Variants in THADA observed in about 807,000 individuals in gnomAD.
THADA encodes THADA armadillo repeat containing.
A neutral mutation model predicts 219.8 loss-of-function variants in THADA; 213 were observed. The observed-to-expected ratio is 0.97, with a 90% CI of 0.87 to 1.09. THADA has a LOEUF of 1.09. Ranked by LOEUF, THADA falls within the 50% of genes least tolerant of loss-of-function variation. The pLI is 0.00. For synonymous variants in THADA, 1,018 were observed against 828.9 expected, an observed-to-expected ratio of 1.23 and a Z score of -3.92; for missense variants, 2,956 against 2,311.3, an observed-to-expected ratio of 1.28 and a Z score of -5.72.
chr2:43,231,897 G>A (rs1479004792), intron 37 of THADA, among the ~76,000 whole-genome samples: 1 of 152,186 alleles, frequency 6.6e-6, no homozygotes, highest in African/African-American at 2.4e-5. Flanking sequence ...TGCCAAGAAG[G>A]CCAGCTGAGT....
Position 43,232,850 on chromosome 2 carries a change from C to A in THADA, c.5329G>T (p.Ala1777Ser). ...FAFCQVDASI[A>S]LALALAVLCD... The stretch of plus-strand genomic sequence containing the variant: ...AGGACGGCCAGGGCCAGGGCCAGAG[C>A]GATGGAGGCATCCACCTGGCAGAAG... The change falls in exon 37 of 38, where the codon GCT becomes TCT. Residue 1777 changes from alanine (A) to serine (S), a missense_variant. By Grantham distance (99) the Ala-to-Ser change is moderately conservative. Coordinates refer to ENST00000405975, the MANE Select transcript of THADA (RefSeq NM_022065.5). The A allele has an allele frequency of 6.2e-7, 1 of 1,611,574 alleles. No homozygotes were observed.
intron 20 of THADA, among the ~76,000 whole-genome samples, chr2:43,543,539 G>T (rs1695600003): frequency 6.6e-6 from 1 of 151,212 alleles, no homozygotes; most frequent in East Asian, 1.9e-4. Flanking sequence ...AGCACCTGTT[G>T]TTTCCTGACT....
At chr2:43,579,570 T>C (rs561365392) in intron 8 of THADA, among the ~76,000 whole-genome samples, 16 of 152,338 alleles carry the variant, frequency 1.1e-4, no homozygotes, top group Non-Finnish European at 1.8e-4. Flanking sequence ...GTGACTTTGA[T>C]TGGGGAAGCC....
intron 22 of THADA, among the ~76,000 whole-genome samples, chr2:43,522,590 G>A (rs1305132624): frequency 1.3e-5 from 2 of 152,142 alleles, no homozygotes; most frequent in South Asian, 2.1e-4. Flanking sequence ...TGGCATAGAG[G>A]TTACTCACTG....
chr2:43,315,271 T>C (rs1204220195), intron 31 of THADA, among the ~76,000 whole-genome samples: 1 of 152,102 alleles, frequency 6.6e-6, no homozygotes, highest in African/African-American at 2.4e-5. Context: ...ATTAGTAAAA[T>C]AGAAAATAAG....
Position 43,572,905 on chromosome 2 carries a change from G to C in THADA, c.1817C>G (p.Ala606Gly), listed in dbSNP as rs1231976867. The change falls in exon 12 of 38, where the codon GCT becomes GGT. Residue 606 changes from alanine to glycine, a missense_variant. Transcript: ENST00000405975. ...AGTTGCAGACTGAAGATGTCCATGA[G>C]CTCTAGCTATTCGCAGACATGCCAT... ...ALMACLRIAR[A>G]HGHLQSATDT... 4 of 1,613,788 alleles carry C rather than the reference G, an allele frequency of 2.5e-6. No individual in the cohort carries two copies. In the Admixed American group the frequency reaches 5.0e-5, roughly 20 times the overall value.
intron 28 of THADA, among the ~76,000 whole-genome samples, chr2:43,423,934 C>T (rs1379319574): frequency 6.6e-6 from 1 of 152,174 alleles, no homozygotes; most frequent in South Asian, 2.1e-4. Flanking sequence ...CTTTTTAAAG[C>T]ATGAATTATT....
At chr2:43,564,454 C>G (rs1698437278) in intron 15 of THADA, 1 of 152,254 alleles carries the variant, frequency 6.6e-6, no homozygotes, top group African/African-American at 2.4e-5. Context: ...GTCGCACTGC[C>G]TCCTCTTTCT....
intron 22 of THADA, among the ~76,000 whole-genome samples, chr2:43,514,515 A>G (rs971476336): frequency 2.0e-4 from 27 of 136,878 alleles, no homozygotes; most frequent in Admixed American, 9.0e-4. Flanking sequence ...TTTTATATAT[A>G]ATATATAATA....
intron 22 of THADA, among the ~76,000 whole-genome samples, chr2:43,521,342 G>A (rs1049714932): frequency 1.3e-5 from 2 of 152,152 alleles, no homozygotes; most frequent in African/African-American, 4.8e-5. Flanking sequence ...ATCACCTGAG[G>A]TCAGGAGTTC....
intron 16 of THADA, among the ~76,000 whole-genome samples, chr2:43,557,865 G>A (rs72790941): frequency 0.01 from 1,523 of 152,292 alleles, 16 homozygotes; most frequent in Non-Finnish European, 0.016. Context: ...CACAACAGTG[G>A]ATATCAAATG....
chr2:43,445,613 A>G (rs1378012686), intron 26 of THADA, among the ~76,000 whole-genome samples: 2 of 152,360 alleles, frequency 1.3e-5, no homozygotes, highest in African/African-American at 2.4e-5. Context: ...CAGGGCTCCA[A>G]CCAGTATCCT....
At chr2:43,426,273 A>G (rs368854143) in intron 28 of THADA, among the ~76,000 whole-genome samples, 3 of 152,226 alleles carry the variant, frequency 2.0e-5, no homozygotes, top group Non-Finnish European at 4.4e-5. Flanking sequence ...GGTACTTTCA[A>G]TGTAGTAATT....
intron 36 of THADA, among the ~76,000 whole-genome samples, chr2:43,265,506 T>C (rs961202310): frequency 1.3e-5 from 2 of 152,136 alleles, no homozygotes; most frequent in Non-Finnish European, 2.9e-5. Flanking sequence ...CCTAAGTTCT[T>C]AAGGCAGCTG....
intron 31 of THADA, among the ~76,000 whole-genome samples, chr2:43,317,329 C>G (rs1019059838): frequency 6.6e-6 from 1 of 152,158 alleles, no homozygotes; most frequent in African/African-American, 2.4e-5. Flanking sequence ...TGTTACTATT[C>G]TAAAAACTGA....
In THADA at chr2:43,244,050, C is replaced by A. The variant is rs190215848; in HGVS notation, c.5297-11168G>T. Among the ~76,000 whole-genome samples the A allele has an allele frequency of 2.6e-5, 4 of 152,110 alleles. No individual in the cohort carries two copies. In the East Asian group the frequency reaches 7.7e-4, roughly 29 times the overall value. On this transcript the variant is annotated intron_variant, in intron 36 of 37. Transcript: ENST00000405975. ...TATTATTTTTAATCAACAATACATT[C>A]CAAAAAATCTTTATTTTTAAAGTTA...
At chr2:43,422,260 G>C (rs559409237) in intron 28 of THADA, among the ~76,000 whole-genome samples, 131 of 152,262 alleles carry the variant, frequency 8.6e-4, no homozygotes, top group African/African-American at 3.1e-3. Flanking sequence ...GCAAAAAAGA[G>C]AAATTATGCG....
At position 43,583,423 on chromosome 2, in the gene THADA, C is replaced by G. The variant is rs578177002; in HGVS notation, c.534-1495G>C. 5.3e-5 allele frequency among the ~76,000 whole-genome samples: 8 copies of G among 152,318 alleles called. No individual in the cohort carries two copies. The South Asian group carries it at 1.7e-3, about 32-fold the overall frequency. ...TGCCATAGCCTCCTAACTGGTCTCT[C>G]GCAGCTTCTGTCCTTACCTCTCAGT... On this transcript the variant is annotated intron_variant, in intron 7 of 37. Coordinates refer to ENST00000405975, the MANE Select transcript of THADA (RefSeq NM_022065.5).
Position 43,231,089 on chromosome 2 carries a change from T to A in THADA, c.5721A>T (p.Gln1907His), listed in dbSNP as rs1227067605. 6.2e-7 allele frequency: 1 copy of A among 1,613,952 alleles called. No homozygotes were observed. The highest frequency in any genetic ancestry group is 1.7e-5 in the Admixed American group (1 of 60,018). The change falls in exon 38 of 38, where the codon CAA becomes CAT. Residue 1907 changes from glutamine to histidine, a missense_variant. Coordinates refer to ENST00000405975, the MANE Select transcript of THADA (RefSeq NM_022065.5). The stretch of plus-strand genomic sequence containing the variant: ...TCAAGCAAGCCAAAGTCCTTTCCTC[T>A]TGAATGCGTAGTCTTGTGAACTCCA... ...KTVEFTRLRI[Q>H]EERTLACLRL...
Sources: gnomAD v4.1 joint callset for allele counts (sites outside exome capture counted in the v4.1 genomes callset) on GRCh38, gnomAD v4.1.1 for gene constraint, MANE v1.5 for transcripts, NCBI Gene and HGNC (gene_info 2026-07-23, HGNC 2026-07-21) for gene names.